The following GRIP1 variants were observed in gnomAD, a reference collection of about 807,000 sequenced individuals.
GRIP1 encodes the protein glutamate receptor interacting protein 1.
In GRIP1, 45 loss-of-function variants were observed where a neutral mutation model predicts 129.9. The ratio of observed to expected loss-of-function variants is 0.35; its 90% CI spans 0.27 to 0.44. The LOEUF (loss-of-function observed/expected upper bound fraction) is 0.44, where lower values mean the gene tolerates loss of function less well. Among genes scored for constraint, GRIP1 ranks in the 20% least tolerant of loss-of-function variants. The pLI is 1.00. For missense variants in GRIP1, 1,196 were observed against 1,396.8 expected, an observed-to-expected ratio of 0.86 and a Z score of 2.29; for synonymous variants, 530 against 520.8, an observed-to-expected ratio of 1.02 and a Z score of -0.24.
chr12:66,773,545 C>T (rs1336721681), intron 1 of GRIP1, among the ~76,000 whole-genome samples: 1 of 152,008 alleles, frequency 6.6e-6, no homozygotes, highest in Non-Finnish European at 1.5e-5. Flanking sequence ...CATCACACAC[C>T]AGAGCCTGTC....
intron 1 of GRIP1, among the ~76,000 whole-genome samples, chr12:66,787,820 T>C (rs1207166969): frequency 1.3e-5 from 2 of 152,124 alleles, no homozygotes; most frequent in Non-Finnish European, 2.9e-5. Flanking sequence ...TGAACTAAGA[T>C]ACCCCCCAAA....
rs773450862 is a variant in GRIP1, at chr12:66,541,797, T to C, written c.272+18A>G. 6.2e-7 allele frequency: 1 copy of C among 1,613,144 alleles called. No individual in the cohort carries two copies. The highest frequency in any genetic ancestry group is 2.2e-5 in the East Asian group (1 of 44,874). On this transcript the variant is annotated intron_variant, in intron 3 of 24. Transcript: ENST00000359742. ...CACCCTGTGTTCCTTTCAGTAGATT[T>C]CCCCAAGAGGCAGTTACCTAGCAGC...
chr12:66,938,368 C>T (rs960563898), intron 1 of GRIP1, among the ~76,000 whole-genome samples: 2 of 151,760 alleles, frequency 1.3e-5, no homozygotes, highest in Non-Finnish European at 2.9e-5. Context: ...AACGAGACTC[C>T]GTTTCAATAA....
intron 1 of GRIP1, among the ~76,000 whole-genome samples, chr12:67,018,466 G>T (rs1009700824): frequency 6.6e-6 from 1 of 152,140 alleles, no homozygotes; most frequent in Non-Finnish European, 1.5e-5. Flanking sequence ...CTTGAATTCC[G>T]CAACAGATAA....
At chr12:66,599,108 T>C (rs987706565) in intron 1 of GRIP1, among the ~76,000 whole-genome samples, 2 of 152,150 alleles carry the variant, frequency 1.3e-5, no homozygotes, top group African/African-American at 4.8e-5. Flanking sequence ...TGAAACTGAA[T>C]TATAGATGAC....
chr12:66,674,070 T>C (rs1343569179), intron 1 of GRIP1, among the ~76,000 whole-genome samples: 1 of 152,110 alleles, frequency 6.6e-6, no homozygotes, highest in Non-Finnish European at 1.5e-5. Context: ...AGTTAAGTTG[T>C]TCCAGATGGC....
At chr12:66,986,195 T>C (rs2135617849) in intron 1 of GRIP1, among the ~76,000 whole-genome samples, 1 of 152,254 alleles carries the variant, frequency 6.6e-6, no homozygotes, top group Non-Finnish European at 1.5e-5. Flanking sequence ...CTGGAGAGGA[T>C]GTGGAGAAAT....
chr12:66,952,516 CAAT>C (rs2041774272), intron 1 of GRIP1, among the ~76,000 whole-genome samples: 2 of 152,076 alleles, frequency 1.3e-5, no homozygotes, highest in South Asian at 2.1e-4. Flanking sequence ...AAAGAGTAAA[CAAT>C]AATCTCTTTT....
intron 2 of GRIP1, among the ~76,000 whole-genome samples, chr12:66,557,848 A>G (rs1394200198): frequency 6.6e-6 from 1 of 152,132 alleles, no homozygotes; most frequent in East Asian, 1.9e-4. Context: ...AGCTATTAAT[A>G]CTACATCAAA....
intron 19 of GRIP1, among the ~76,000 whole-genome samples, chr12:66,391,141 T>C (rs774237637): frequency 1.3e-5 from 2 of 152,168 alleles, no homozygotes; most frequent in Non-Finnish European, 2.9e-5. Flanking sequence ...GAGAGCAAAC[T>C]GGATACAGAC....
chr12:66,377,090 A>C (rs2055820003), intron 21 of GRIP1, 29 bp from the exon 22 acceptor site: 1 of 1,600,252 alleles, frequency 6.2e-7, no homozygotes, highest in Admixed American at 1.7e-5. Context: ...CTTTTAAATG[A>C]ACTGGTGTGA....
At chr12:67,028,112 G>C (rs1448638041) in intron 1 of GRIP1, among the ~76,000 whole-genome samples, 1 of 152,118 alleles carries the variant, frequency 6.6e-6, no homozygotes, top group South Asian at 2.1e-4. Context: ...TCCAGGGGGA[G>C]GCATTTTTGG....
At position 66,510,552 on chromosome 12, in the gene GRIP1, T is replaced by C. The variant is rs191143555; in HGVS notation, c.724+5067A>G. Among the ~76,000 whole-genome samples the C allele has an allele frequency of 4.7e-4, 72 of 152,350 alleles. No individual in the cohort carries two copies. The East Asian group carries it at 6.2e-3, about 13-fold the overall frequency. On this transcript the variant is annotated intron_variant, in intron 7 of 24. Transcript: ENST00000359742. ...ACTTAGCATATCCAAAATTGAACTC[T>C]TAATTTTTCTTCAAACTTATTTTTC...
At chr12:66,583,200 C>T (rs1490100576) in intron 2 of GRIP1, among the ~76,000 whole-genome samples, 3 of 150,724 alleles carry the variant, frequency 2.0e-5, no homozygotes. Context: ...AACTGGCTAG[C>T]CATATGTAGA....
chr12:66,656,009 GAACTGT>G, intron 1 of GRIP1, among the ~76,000 whole-genome samples: 1 of 152,216 alleles, frequency 6.6e-6, no homozygotes, highest in Admixed American at 6.5e-5. Flanking sequence ...TGAAGGACTG[GAACTGT>G]AAGTATTGAT....
intron 1 of GRIP1, among the ~76,000 whole-genome samples, chr12:67,014,974 T>C (rs2042764025): frequency 6.6e-6 from 1 of 152,180 alleles, no homozygotes; most frequent in Non-Finnish European, 1.5e-5. Flanking sequence ...GTTTTAAGTG[T>C]AAAATAAGTG....
intron 13 of GRIP1, among the ~76,000 whole-genome samples, chr12:66,441,667 G>T (rs2138070487): frequency 6.6e-6 from 1 of 152,304 alleles, no homozygotes; most frequent in African/African-American, 2.4e-5. Flanking sequence ...TCTGAAAATA[G>T]TACAGTGCTT....
intron 1 of GRIP1, among the ~76,000 whole-genome samples, chr12:67,010,160 T>C (rs2042683771): frequency 1.3e-5 from 2 of 152,154 alleles, no homozygotes; most frequent in Non-Finnish European, 2.9e-5. Context: ...GATATATATT[T>C]ATGAAATTCA....
intron 1 of GRIP1, among the ~76,000 whole-genome samples, chr12:66,796,513 G>A (rs930970480): frequency 1.3e-5 from 2 of 152,070 alleles, no homozygotes; most frequent in East Asian, 3.9e-4. Flanking sequence ...TGTTCTCCAA[G>A]AAGGAACACT....
Sources: allele counts gnomAD v4.1 joint callset (sites outside exome capture counted in the v4.1 genomes callset), GRCh38; gene constraint gnomAD v4.1.1; transcripts MANE v1.5; gene names NCBI Gene and HGNC (gene_info 2026-07-23, HGNC 2026-07-21).